The following SPECC1L variants were observed in gnomAD, a reference collection of about 807,000 sequenced individuals.
SPECC1L encodes sperm antigen with calponin homology and coiled-coil domains 1 like.
SPECC1L carries 40 observed loss-of-function variants against 116.8 expected under a neutral mutation model. The observed-to-expected ratio is 0.34, with a 90% confidence interval of 0.27 to 0.45. SPECC1L has a LOEUF of 0.45. Ranked by LOEUF, SPECC1L falls within the 20% of genes least tolerant of loss-of-function variation. The probability of loss-of-function intolerance (pLI) is 1.00; values close to 1 mark genes in which losing one functional copy is unlikely to be tolerated. For synonymous variants in SPECC1L, 504 were observed against 500.6 expected (o/e 1.01, Z -0.09); for missense variants, 1,110 against 1,373.6 (o/e 0.81, Z 3.03).
intron 14 of SPECC1L, among the ~76,000 whole-genome samples, chr22:24,374,335 C>T (rs944985992): frequency 1.4e-4 from 21 of 151,846 alleles, no homozygotes; most frequent in Non-Finnish European, 2.9e-4. Flanking sequence ...ATGTTTATTG[C>T]AGCACTATTC....
chr22:24,363,521 C>G (rs11913940), intron 12 of SPECC1L, among the ~76,000 whole-genome samples, 177 bp downstream of exon 12: 3,738 of 152,224 alleles, frequency 0.025, 180 homozygotes, highest in African/African-American at 0.086. Context: ...GCCACTGTGC[C>G]CGGCCTAGCT....
At chr22:24,276,678 A>G (rs200991964) in intron 1 of SPECC1L, 22 bp from the exon 2 acceptor site, 3 of 414,702 alleles carry the variant, frequency 7.2e-6, no homozygotes, top group Non-Finnish European at 9.5e-6. Context: ...AAGCTATTCT[A>G]TTCTTCCTCT....
chr22:24,376,841 CT>C (rs1367189740), intron 14 of SPECC1L, among the ~76,000 whole-genome samples: 2 of 149,966 alleles, frequency 1.3e-5, no homozygotes, highest in Non-Finnish European at 3.0e-5. Flanking sequence ...TAAGAAAGAA[CT>C]TTTTTTATTG....
chr22:24,390,872 CTTTTTTTTTTTTTTTTTTTT>C (rs1016008966), intron 14 of SPECC1L, among the ~76,000 whole-genome samples: 3 of 57,118 alleles, frequency 5.3e-5, no homozygotes, highest in Admixed American at 2.5e-4. Context: ...TTTTTCTTTT[CTTTTTTTTTTTTTTTTTTTT>C]TTTTTTGAGT....
intron 14 of SPECC1L, among the ~76,000 whole-genome samples, chr22:24,399,266 C>A (rs1293081244): frequency 6.6e-6 from 1 of 152,176 alleles, no homozygotes; most frequent in Non-Finnish European, 1.5e-5. Context: ...AAAATAGGTT[C>A]ATTTGACTAA....
At chr22:24,290,278 A>T (rs1218654586) in intron 2 of SPECC1L, among the ~76,000 whole-genome samples, 3 of 152,172 alleles carry the variant, frequency 2.0e-5, no homozygotes, top group African/African-American at 7.2e-5. Flanking sequence ...GGGAGTGCCT[A>T]CCTGGAGTGG....
intron 2 of SPECC1L, among the ~76,000 whole-genome samples, chr22:24,282,618 T>A (rs1404744644): frequency 6.6e-6 from 1 of 152,208 alleles, no homozygotes; most frequent in Non-Finnish European, 1.5e-5. Flanking sequence ...TCATATATGC[T>A]GTTTGTCAGG....
intron 3 of SPECC1L, among the ~76,000 whole-genome samples, chr22:24,306,146 A>G (rs934112587): frequency 2.0e-5 from 3 of 152,118 alleles, no homozygotes; most frequent in African/African-American, 7.2e-5. Flanking sequence ...ACCTCAGGTC[A>G]TCCACCCACC....
chr22:24,327,360 G>T (rs900252541), intron 6 of SPECC1L, among the ~76,000 whole-genome samples: 2 of 146,202 alleles, frequency 1.4e-5, no homozygotes, highest in African/African-American at 5.1e-5. Flanking sequence ...AAAAATTTTA[G>T]AAGAGAAGGT....
In SPECC1L at chr22:24,415,041, C is replaced by T. The variant is rs2088893969; in HGVS notation, c.*418C>T. The T allele has an allele frequency of 7.9e-6, 2 of 253,078 alleles. No homozygotes were observed. The highest frequency in any genetic ancestry group is 9.3e-5 in the South Asian group (2 of 21,432). 15.7% of individuals were successfully genotyped at this position (253,078 alleles called of 1,614,324 possible). On this transcript the variant is annotated 3_prime_UTR_variant, in exon 17 of 17. Coordinates refer to ENST00000314328, the MANE Select transcript of SPECC1L (RefSeq NM_015330.6). The stretch of plus-strand genomic sequence containing the variant: ...GGCCGCGGCACTTCCTGACTATTGG[C>T]TGGGGTGGGTTCCGGTGCTGGTGAG...
In SPECC1L at chr22:24,410,370, G is replaced by A. The variant is rs907931497; in HGVS notation, c.3088-1218G>A. Among the ~76,000 whole-genome samples the A allele has an allele frequency of 3.9e-5, 6 of 152,300 alleles. No individual in the cohort carries two copies. In the South Asian group the frequency reaches 6.2e-4, roughly 16 times the overall value. ...GATGGACTGCAAGTCTTAGCTTAGA[G>A]TCCCTGATCTGGGAGGTCAGGCTGA... On this transcript the variant is annotated intron_variant, in intron 14 of 16. Coordinates refer to ENST00000314328, the MANE Select transcript of SPECC1L (RefSeq NM_015330.6).
At chr22:24,334,951 C>G (rs2041021982) in intron 9 of SPECC1L, among the ~76,000 whole-genome samples, 1 of 152,180 alleles carries the variant, frequency 6.6e-6, no homozygotes, top group African/African-American at 2.4e-5. Flanking sequence ...GACATGGACC[C>G]TCAGGTGTCT....
chr22:24,390,279 G>A (rs1227102924), intron 14 of SPECC1L, among the ~76,000 whole-genome samples: 1 of 152,106 alleles, frequency 6.6e-6, no homozygotes, highest in African/African-American at 2.4e-5. Context: ...GGCTAGGGGT[G>A]TGTGGCATGA....
At chr22:24,301,565 T>A (rs953172955) in intron 2 of SPECC1L, among the ~76,000 whole-genome samples, 5 of 152,212 alleles carry the variant, frequency 3.3e-5, no homozygotes, top group African/African-American at 1.2e-4. Context: ...AATAAAGTGT[T>A]GAATATCTTA....
chr22:24,368,996 G>T (rs1363750170), intron 13 of SPECC1L, among the ~76,000 whole-genome samples: 1 of 152,086 alleles, frequency 6.6e-6, no homozygotes, highest in Non-Finnish European at 1.5e-5. Context: ...TTTCCATGTG[G>T]GTGATTTTTA....
rs562136384 is a variant in SPECC1L at position 24,416,928 on chromosome 22, G to T, written c.*2305G>T. ...GGGCCCCTCCTTGGGGAAGGTTTGCGTGCAGAGCTGCAAGGGAGAGGGTTC... is the reference window on the plus strand; with the variant it reads ...GGGCCCCTCCTTGGGGAAGGTTTGCTTGCAGAGCTGCAAGGGAGAGGGTTC... On this transcript the variant is annotated 3_prime_UTR_variant, in exon 17 of 17. Transcript: ENST00000314328. The T allele has an allele frequency of 2.0e-5, 3 of 152,478 alleles. No homozygotes were observed. The East Asian group carries it at 5.8e-4, about 29-fold the overall frequency. The allele number at this position is 152,478 out of a possible 1,614,324, so 9.4% of individuals were successfully genotyped here. A position where few individuals can be genotyped will look rare whatever the true frequency, so the allele number is the denominator to read the frequency against.
intron 14 of SPECC1L, among the ~76,000 whole-genome samples, chr22:24,405,968 G>A (rs1335651545): frequency 6.6e-6 from 1 of 152,184 alleles, no homozygotes; most frequent in Non-Finnish European, 1.5e-5. Context: ...TGCCCAGGAA[G>A]TGTCAAACCT....
rs1230066489 is a variant in SPECC1L, at chr22:24,324,145, T to C, written c.1939-75T>C. Reference sequence around the variant, plus strand: ...CATACTTAGCTCCCCTTGGAAACTGTGTGTACCTCAATTCTGGAACGTACC... The same window carrying C: ...CATACTTAGCTCCCCTTGGAAACTGCGTGTACCTCAATTCTGGAACGTACC... On this transcript the variant is annotated intron_variant, in intron 5 of 16. Coordinates refer to ENST00000314328, the MANE Select transcript of SPECC1L (RefSeq NM_015330.6). The C allele has an allele frequency of 9.8e-6, 12 of 1,223,472 alleles. 1 individual carries two copies. In the South Asian group the frequency reaches 1.2e-4, roughly 12 times the overall value. The allele number at this position is 1,223,472 out of a possible 1,614,324, so 75.8% of individuals were successfully genotyped here.
At position 24,329,636 on chromosome 22, in the gene SPECC1L, G is replaced by A. The variant is rs1601563498; in HGVS notation, c.2221-620G>A. Among the ~76,000 whole-genome samples, 3 of 152,284 alleles carry A rather than the reference G, an allele frequency of 2.0e-5. No homozygotes were observed. The South Asian group carries it at 6.2e-4, about 32-fold the overall frequency. On this transcript the variant is annotated intron_variant, in intron 7 of 16. Transcript: ENST00000314328. The stretch of plus-strand genomic sequence containing the variant: ...GCATGCCCCAGCTATGGCTCTGATG[G>A]AGGTGAGTCCCAGGGAGACTTCCCC...
Sources: gnomAD v4.1 joint callset for allele counts (sites outside exome capture counted in the v4.1 genomes callset) on GRCh38, gnomAD v4.1.1 for gene constraint, MANE v1.5 for transcripts, NCBI Gene and HGNC (gene_info 2026-07-23, HGNC 2026-07-21) for gene names.